RAP1GDS1: variants seen among roughly 807,000 people sequenced by gnomAD.
RAP1GDS1 encodes the protein Rap1 GTPase-GDP dissociation stimulator 1, also known as RAP1, GTP-GDP dissociation stimulator 1.
In RAP1GDS1, 35 loss-of-function variants were observed where a neutral mutation model predicts 71.1. That is an observed-to-expected ratio of 0.49 (90% CI 0.38 to 0.65). The LOEUF (loss-of-function observed/expected upper bound fraction) is 0.65, where lower values mean the gene tolerates loss of function less well. RAP1GDS1 is among the 30% of genes least tolerant of loss of function. RAP1GDS1 has a pLI of 0.00. For synonymous variants in RAP1GDS1, 229 were observed against 243.1 expected, an observed-to-expected ratio of 0.94 and a Z score of 0.54; for missense variants, 663 against 706.1, an observed-to-expected ratio of 0.94 and a Z score of 0.69.
chr4:98,360,490 A>T (rs1225565293), intron 4 of RAP1GDS1, among the ~76,000 whole-genome samples: 1 of 152,064 alleles, frequency 6.6e-6, no homozygotes, highest in Non-Finnish European at 1.5e-5. Flanking sequence ...TTTTTTGTCT[A>T]AATCTGTTTT....
In RAP1GDS1 at chr4:98,326,100, G is replaced by T. The variant is rs573230333; in HGVS notation, c.113-17039G>T. On this transcript the variant is annotated intron_variant, in intron 2 of 14. Coordinates refer to ENST00000408927, the MANE Select transcript of RAP1GDS1 (RefSeq NM_001100427.2). ...AATCACAGTTTTCTCCGACAGTCTTGCATATTACTTTTTTTTAAAGTGCTT... is the reference window on the plus strand; with the variant it reads ...AATCACAGTTTTCTCCGACAGTCTTTCATATTACTTTTTTTTAAAGTGCTT... 3.2e-4 allele frequency among the ~76,000 whole-genome samples: 49 copies of T among 152,046 alleles called. No homozygotes were observed. The South Asian group carries it at 9.2e-3, about 28-fold the overall frequency.
rs1269343963 is a variant in RAP1GDS1, at chr4:98,416,809, A to G, written c.828A>G (p.Gln276=). 3 of 1,613,410 alleles carry G rather than the reference A, an allele frequency of 1.9e-6. No individual in the cohort carries two copies. The highest frequency in any genetic ancestry group is 1.3e-5 in the African/African-American group (1 of 74,900). Residue 276 remains glutamine (Q), a synonymous_variant, in exon 8 of 15, where the codon CAA becomes CAG. Transcript: ENST00000408927. The part of the protein sequence containing the change: ...LVECLLEIVQ[Q]KVDSDKEDDI... ...AGTGTCTACTAGAGATTGTTCAGCAAAAAGTGGATAGTGACAAAGAAGATG... is the reference window on the plus strand; with the variant it reads ...AGTGTCTACTAGAGATTGTTCAGCAGAAAGTGGATAGTGACAAAGAAGATG...
At chr4:98,398,813 G>C (rs1400039619) in intron 6 of RAP1GDS1, among the ~76,000 whole-genome samples, 1 of 152,082 alleles carries the variant, frequency 6.6e-6, no homozygotes, top group African/African-American at 2.4e-5. Flanking sequence ...AGGAGATCAA[G>C]AAGGCAATCC....
At chr4:98,301,058 G>A (rs886449087) in intron 2 of RAP1GDS1, among the ~76,000 whole-genome samples, 2 of 151,908 alleles carry the variant, frequency 1.3e-5, no homozygotes, top group African/African-American at 4.8e-5. Context: ...TGTTTTAGTA[G>A]AGATGAAAAA....
At chr4:98,389,953 G>A (rs1048948338) in intron 5 of RAP1GDS1, among the ~76,000 whole-genome samples, 1 of 152,148 alleles carries the variant, frequency 6.6e-6, no homozygotes, top group Non-Finnish European at 1.5e-5. Context: ...TTACATATAT[G>A]CAGACATATA....
chr4:98,268,573 GA>G (rs1322037543), intron 1 of RAP1GDS1, among the ~76,000 whole-genome samples: 3 of 151,378 alleles, frequency 2.0e-5, no homozygotes, highest in African/African-American at 4.8e-5. Context: ...AAGACTCCTT[GA>G]AAAAAAAGAC....
At chr4:98,297,127 G>A (rs1159479294) in intron 2 of RAP1GDS1, 4 of 156,742 alleles carry the variant, frequency 2.6e-5, no homozygotes, top group Non-Finnish European at 5.6e-5. Flanking sequence ...GTGAGATACT[G>A]CGTGTTTACT....
intron 2 of RAP1GDS1, among the ~76,000 whole-genome samples, chr4:98,335,785 TA>T (rs1280357351): frequency 2.0e-5 from 1 of 50,010 alleles, no homozygotes; most frequent in Non-Finnish European, 3.7e-5. Context: ...AGTGACTTCT[TA>T]CCTTTTTTTT....
chr4:98,390,328 C>G (rs1289042336), intron 5 of RAP1GDS1, among the ~76,000 whole-genome samples: 1 of 152,060 alleles, frequency 6.6e-6, no homozygotes, highest in Non-Finnish European at 1.5e-5. Context: ...AATTTAACAT[C>G]AAAAGTATAA....
intron 1 of RAP1GDS1, 136 bp downstream of exon 1, chr4:98,261,705 G>C: frequency 1.7e-6 from 2 of 1,190,656 alleles, no homozygotes; most frequent in Non-Finnish European, 2.3e-6. Flanking sequence ...TGTTCCTCCG[G>C]GGAGAGTCGG....
intron 2 of RAP1GDS1, among the ~76,000 whole-genome samples, chr4:98,341,401 T>A (rs2110393013): frequency 6.6e-6 from 1 of 152,366 alleles, no homozygotes; most frequent in Middle Eastern, 3.4e-3. Context: ...TTTGTTTTGT[T>A]TTCCCCTTGC....
intron 1 of RAP1GDS1, among the ~76,000 whole-genome samples, chr4:98,264,666 A>G (rs1722491072): frequency 1.3e-5 from 2 of 152,192 alleles, no homozygotes; most frequent in South Asian, 4.1e-4. Flanking sequence ...AATAGAAGTA[A>G]AAGTATAAGT....
At chr4:98,287,065 AC>A (rs1455302960) in intron 1 of RAP1GDS1, among the ~76,000 whole-genome samples, 3 of 152,198 alleles carry the variant, frequency 2.0e-5, no homozygotes, top group African/African-American at 7.2e-5. Flanking sequence ...TTCTAAAAAA[AC>A]ATGCCAGTGC....
intron 12 of RAP1GDS1, among the ~76,000 whole-genome samples, chr4:98,431,343 C>T (rs1279285847): frequency 6.6e-6 from 1 of 152,204 alleles, no homozygotes; most frequent in East Asian, 1.9e-4. Context: ...CAAAGCCTAT[C>T]TGAAAATATT....
intron 6 of RAP1GDS1, chr4:98,396,087 T>C (rs893658662): frequency 6.6e-6 from 1 of 151,826 alleles, no homozygotes; most frequent in Non-Finnish European, 1.5e-5. Context: ...TCACAGACTC[T>C]TAACCAGATC....
chr4:98,342,685 A>G (rs1735664910), intron 2 of RAP1GDS1, among the ~76,000 whole-genome samples: 1 of 152,210 alleles, frequency 6.6e-6, no homozygotes, highest in Non-Finnish European at 1.5e-5. Context: ...TTCATTCCGT[A>G]TAAAATGATA....
chr4:98,355,872 G>C (rs1421718334), intron 4 of RAP1GDS1, among the ~76,000 whole-genome samples: 1 of 152,110 alleles, frequency 6.6e-6, no homozygotes, highest in East Asian at 1.9e-4. Flanking sequence ...TGTTGCTGAT[G>C]AACTTTTTGA....
At chr4:98,268,404 A>G (rs558913528) in intron 1 of RAP1GDS1, among the ~76,000 whole-genome samples, 6 of 152,064 alleles carry the variant, frequency 3.9e-5, no homozygotes, top group African/African-American at 1.4e-4. Flanking sequence ...TCAGATTGAG[A>G]AAAAAAACAA....
chr4:98,415,292 T>C (rs1747777653), intron 7 of RAP1GDS1, among the ~76,000 whole-genome samples: 1 of 152,216 alleles, frequency 6.6e-6, no homozygotes, highest in Non-Finnish European at 1.5e-5. Flanking sequence ...CAAACACCCA[T>C]GTTTTACAAT....
Sources: allele counts gnomAD v4.1 joint callset (sites outside exome capture counted in the v4.1 genomes callset), GRCh38; gene constraint gnomAD v4.1.1; transcripts MANE v1.5; gene names NCBI Gene and HGNC (gene_info 2026-07-23, HGNC 2026-07-21).